RYR3: variants seen among roughly 807,000 people sequenced by gnomAD.
The protein encoded by RYR3 is brain ryanodine receptor-calcium release channel.
A neutral mutation model predicts 584.3 loss-of-function variants in RYR3; 207 were observed. The observed-to-expected ratio is 0.35, with a 90% CI of 0.32 to 0.40. The LOEUF (loss-of-function observed/expected upper bound fraction) is 0.40, where lower values mean the gene tolerates loss of function less well. Among genes scored for constraint, RYR3 ranks in the 10% least tolerant of loss-of-function variants. The pLI is 1.00. For synonymous variants in RYR3, 2,416 were observed against 2,248.5 expected (o/e 1.07, Z -2.11); for missense variants, 5,616 against 6,089.2 (o/e 0.92, Z 2.59).
intron 10 of RYR3, among the ~76,000 whole-genome samples, chr15:33,552,918 G>A (rs193214944): frequency 3.7e-4 from 56 of 152,266 alleles, no homozygotes; most frequent in African/African-American, 7.9e-4. Context: ...CTCCCTGGGC[G>A]CTAGTGACAA....
intron 3 of RYR3, among the ~76,000 whole-genome samples, chr15:33,518,842 C>T (rs1157479510): frequency 2.6e-5 from 4 of 152,206 alleles, no homozygotes; most frequent in Admixed American, 2.6e-4. Context: ...CAACTCAAAA[C>T]AACTCTGAGA....
chr15:33,789,364 A>G (rs1260743664), intron 67 of RYR3, among the ~76,000 whole-genome samples: 3 of 151,818 alleles, frequency 2.0e-5, no homozygotes, highest in African/African-American at 4.8e-5. Context: ...CAGGGAAGGA[A>G]GAAGACCAGT....
At chr15:33,855,783 T>G (rs922334673) in intron 98 of RYR3, 1 of 152,152 alleles carries the variant, frequency 6.6e-6, no homozygotes, top group African/African-American at 2.4e-5. Context: ...AATCAAGAAA[T>G]TGACTCTGAC....
chr15:33,477,690 A>G (rs1436752718), intron 2 of RYR3, among the ~76,000 whole-genome samples: 1 of 151,328 alleles, frequency 6.6e-6, no homozygotes, highest in Non-Finnish European at 1.5e-5. Flanking sequence ...CCTGGCTAAC[A>G]CGGTGAAACC....
intron 74 of RYR3, among the ~76,000 whole-genome samples, chr15:33,816,155 C>G (rs77477988): frequency 1.6e-3 from 244 of 152,320 alleles, no homozygotes; most frequent in Non-Finnish European, 2.9e-3. Context: ...CTCCTTCCCT[C>G]CTCACCACTG....
chr15:33,837,705 A>C lies in RYR3; in HGVS notation c.11725A>C (p.Ile3909Leu). Residue 3909 changes from isoleucine (I) to leucine (L), a missense_variant, in exon 89 of 104, where the codon ATC becomes CTC. Physicochemically the swap from Ile to Leu is conservative, Grantham distance 5. Around this residue, in one of 9 missense-constraint regions of RYR3, gnomAD observed 258 missense variants for 297.3 expected, o/e 0.87. Coordinates refer to ENST00000634891, the MANE Select transcript of RYR3 (RefSeq NM_001036.6). ...LVESSTNVEM[I>L]LKFFDMFLKL... ...AGAATCATCTACCAATGTAGAAATGATCTTGAAATTCTTTGACATGTTCTT... is the reference window on the plus strand; with the variant it reads ...AGAATCATCTACCAATGTAGAAATGCTCTTGAAATTCTTTGACATGTTCTT... 1 of 1,610,352 alleles carries C rather than the reference A, an allele frequency of 6.2e-7. No individual in the cohort carries two copies. The highest frequency in any genetic ancestry group is 8.5e-7 in the Non-Finnish European group (1 of 1,177,992).
intron 87 of RYR3, among the ~76,000 whole-genome samples, chr15:33,836,189 C>CAT (rs2078037821): frequency 2.1e-5 from 3 of 144,946 alleles, no homozygotes; most frequent in African/African-American, 7.7e-5. Flanking sequence ...CTTTTCTTTC[C>CAT]TTTTTTTTGT....
intron 3 of RYR3, among the ~76,000 whole-genome samples, chr15:33,523,487 T>C (rs2054163751): frequency 6.6e-6 from 1 of 152,126 alleles, no homozygotes; most frequent in African/African-American, 2.4e-5. Context: ...CCGCAAGGTC[T>C]GCGGCTTCAT....
chr15:33,435,755 G>A (rs777341496), intron 1 of RYR3, among the ~76,000 whole-genome samples: 10 of 152,158 alleles, frequency 6.6e-5, no homozygotes, highest in Middle Eastern at 3.2e-3. Flanking sequence ...TGAAGCTGCA[G>A]ACCCTCGCAG....
chr15:33,674,747 A>G (rs1007389791), intron 38 of RYR3, among the ~76,000 whole-genome samples: 8 of 151,680 alleles, frequency 5.3e-5, no homozygotes, highest in African/African-American at 1.7e-4. Context: ...TCTGTGAAGA[A>G]TGTAGATGGA....
intron 51 of RYR3, among the ~76,000 whole-genome samples, chr15:33,741,925 G>A (rs1304210613): frequency 1.3e-5 from 2 of 152,036 alleles, no homozygotes; most frequent in Non-Finnish European, 2.9e-5. Context: ...CAAAATTCGA[G>A]TATTTTACCA....
chr15:33,423,053 C>A (rs1353338009), intron 1 of RYR3, among the ~76,000 whole-genome samples: 2 of 152,074 alleles, frequency 1.3e-5, no homozygotes, highest in Non-Finnish European at 2.9e-5. Context: ...GGTTAAAATT[C>A]AGTGGTAATA....
At chr15:33,551,385 T>C (rs1390530522) in intron 10 of RYR3, among the ~76,000 whole-genome samples, 1 of 152,198 alleles carries the variant, frequency 6.6e-6, no homozygotes, top group Non-Finnish European at 1.5e-5. Flanking sequence ...TAGGACTAGG[T>C]GTGAGGCTGA....
intron 2 of RYR3, among the ~76,000 whole-genome samples, chr15:33,477,575 T>TAAA (rs3084422): frequency 0.13 from 14,636 of 116,216 alleles, 1,209 homozygotes; most frequent in Non-Finnish European, 0.16. Flanking sequence ...CTTGTTTTGT[T>TAAA]AAAAAAAAAA....
intron 18 of RYR3, among the ~76,000 whole-genome samples, chr15:33,612,595 G>A (rs1237348071): frequency 6.6e-6 from 1 of 152,096 alleles, no homozygotes; most frequent in Non-Finnish European, 1.5e-5. Context: ...CCTGACCTCA[G>A]GTGATCCACC....
chr15:33,694,393 C>T (rs1474408266), intron 38 of RYR3, among the ~76,000 whole-genome samples: 10 of 136,154 alleles, frequency 7.3e-5, no homozygotes, highest in Admixed American at 6.5e-4. Context: ...TACAGGCGCC[C>T]TCCATCACGC....
chr15:33,477,509 A>G (rs2049487983), intron 2 of RYR3, among the ~76,000 whole-genome samples: 1 of 150,908 alleles, frequency 6.6e-6, no homozygotes, highest in Non-Finnish European at 1.5e-5. Flanking sequence ...AATTGATGGA[A>G]GCACTATTAT....
chr15:33,425,088 A>C (rs775391797), intron 1 of RYR3, among the ~76,000 whole-genome samples: 2 of 152,210 alleles, frequency 1.3e-5, no homozygotes, highest in Non-Finnish European at 2.9e-5. Context: ...TACAGTCAAC[A>C]GACTCCTTAA....
At chr15:33,545,989 A>T (rs575327363) in intron 8 of RYR3, among the ~76,000 whole-genome samples, 1 of 152,298 alleles carries the variant, frequency 6.6e-6, no homozygotes, top group East Asian at 1.9e-4. Flanking sequence ...ACCCTGGGAT[A>T]AGTTACTTAA....
Sources: allele counts gnomAD v4.1 joint callset (sites outside exome capture counted in the v4.1 genomes callset), GRCh38; gene constraint gnomAD v4.1.1; regional missense constraint gnomAD v4.1.1; transcripts MANE v1.5; gene names NCBI Gene and HGNC (gene_info 2026-07-23, HGNC 2026-07-21).